The following NRG3 variants were observed in gnomAD, a reference collection of about 807,000 sequenced individuals.
NRG3 encodes neuregulin 3, also known as pro-neuregulin-3, membrane-bound isoform.
In NRG3, 31 loss-of-function variants were observed where a neutral mutation model predicts 66.9. The ratio of observed to expected loss-of-function variants is 0.46; its 90% CI spans 0.35 to 0.63. NRG3 has a LOEUF of 0.63. Among genes scored for constraint, NRG3 ranks in the 20% least tolerant of loss-of-function variants. The pLI, the probability that NRG3 is intolerant of heterozygous loss-of-function variation, is 0.00. For missense variants in NRG3, 910 were observed against 878.9 expected (o/e 1.04, Z -0.45); for synonymous variants, 393 against 359.4 (o/e 1.09, Z -1.06).
At chr10:82,743,765 G>T (rs771969189) in intron 3 of NRG3, among the ~76,000 whole-genome samples, 1 of 152,144 alleles carries the variant, frequency 6.6e-6, no homozygotes, top group African/African-American at 2.4e-5. Context: ...CCAGGAGCCT[G>T]GGTAGGCATT....
intron 1 of NRG3, among the ~76,000 whole-genome samples, chr10:82,233,841 A>G (rs2076623465): frequency 6.6e-6 from 1 of 152,038 alleles, no homozygotes; most frequent in African/African-American, 2.4e-5. Context: ...CCTTTTAACC[A>G]TCTACTCATC....
chr10:82,631,573 A>C (rs538107834), intron 2 of NRG3, among the ~76,000 whole-genome samples: 56 of 146,396 alleles, frequency 3.8e-4, no homozygotes, highest in Admixed American at 6.1e-4. Flanking sequence ...GCATCCCCAG[A>C]TGCCTTCAGC....
At chr10:82,721,320 A>G (rs1198615820) in intron 2 of NRG3, among the ~76,000 whole-genome samples, 1 of 147,750 alleles carries the variant, frequency 6.8e-6, no homozygotes, top group Non-Finnish European at 1.5e-5. Context: ...TTTTTTTTTT[A>G]GTAGAGGCGG....
intron 2 of NRG3, among the ~76,000 whole-genome samples, chr10:82,617,911 T>G (rs774498396): frequency 2.6e-5 from 4 of 152,152 alleles, no homozygotes; most frequent in Non-Finnish European, 5.9e-5. Context: ...TATAAAAAAG[T>G]CATGTAAAAT....
At chr10:82,153,285 A>G (rs2070917959) in intron 1 of NRG3, among the ~76,000 whole-genome samples, 1 of 152,110 alleles carries the variant, frequency 6.6e-6, no homozygotes, top group Admixed American at 6.6e-5. Flanking sequence ...TTCTACATGT[A>G]AGTGAAATCA....
At chr10:82,408,119 G>GA (rs1438562547) in intron 2 of NRG3, among the ~76,000 whole-genome samples, 8 of 141,126 alleles carry the variant, frequency 5.7e-5, no homozygotes, top group African/African-American at 2.2e-4. Flanking sequence ...AAGAAAGAAA[G>GA]AAAGAAAGAA....
At chr10:82,183,433 C>T (rs2073570279) in intron 1 of NRG3, among the ~76,000 whole-genome samples, 2 of 151,894 alleles carry the variant, frequency 1.3e-5, no homozygotes, top group Admixed American at 1.3e-4. Flanking sequence ...AGCTGTTGAA[C>T]CATTCTAGTG....
intron 1 of NRG3, among the ~76,000 whole-genome samples, chr10:82,166,010 T>G (rs2072024912): frequency 6.6e-6 from 1 of 151,802 alleles, no homozygotes; most frequent in Admixed American, 6.6e-5. Context: ...ATTTTTTATT[T>G]TTATTTTTAA....
chr10:81,877,933 C>T, intron 1 of NRG3: 2 of 1,537,198 alleles, frequency 1.3e-6, no homozygotes, highest in Non-Finnish European at 8.7e-7. Flanking sequence ...GATTTTTGAT[C>T]TGCTCTTTTG....
At chr10:82,614,702 T>A (rs1305703374) in intron 2 of NRG3, among the ~76,000 whole-genome samples, 1 of 152,158 alleles carries the variant, frequency 6.6e-6, no homozygotes, top group Non-Finnish European at 1.5e-5. Context: ...AGTCTTAACA[T>A]TATTCTACTC....
chr10:82,974,222 G>A (rs1333773987), intron 7 of NRG3, among the ~76,000 whole-genome samples: 3 of 152,010 alleles, frequency 2.0e-5, no homozygotes, highest in African/African-American at 7.3e-5. Flanking sequence ...TATCTAGCCT[G>A]CCTTTTCTAG....
intron 2 of NRG3, among the ~76,000 whole-genome samples, chr10:82,551,505 A>G (rs2044301336): frequency 6.6e-6 from 1 of 151,978 alleles, no homozygotes; most frequent in South Asian, 2.1e-4. Flanking sequence ...TTGGAAGCAA[A>G]TTCCTTTTTG....
chr10:82,656,832 T>C lies in NRG3; in HGVS notation c.954-81745T>C, dbSNP rs1242927988. 2.0e-5 allele frequency among the ~76,000 whole-genome samples: 3 copies of C among 152,060 alleles called. No individual in the cohort carries two copies. The East Asian group carries it at 5.8e-4, about 29-fold the overall frequency. Reference sequence around the variant, plus strand: ...CTATTTTATAACAACCCCCTCAAAATTGGAAAATAAAAGATCTCTTTAAAA... The same window carrying C: ...CTATTTTATAACAACCCCCTCAAAACTGGAAAATAAAAGATCTCTTTAAAA... On this transcript the variant is annotated intron_variant, in intron 2 of 8. Coordinates refer to ENST00000372141, the MANE Select transcript of NRG3 (RefSeq NM_001010848.4).
At chr10:82,053,924 G>A (rs554293769) in intron 1 of NRG3, among the ~76,000 whole-genome samples, 16 of 152,298 alleles carry the variant, frequency 1.1e-4, no homozygotes, top group Middle Eastern at 6.8e-3. Context: ...AAGCTGCAGC[G>A]CAGCAAATGG....
chr10:82,184,892 C>T (rs752575054), intron 1 of NRG3, among the ~76,000 whole-genome samples: 36 of 152,054 alleles, frequency 2.4e-4, no homozygotes, highest in Admixed American at 2.6e-4. Flanking sequence ...CCCTGTGAGC[C>T]GGTAAACATT....
intron 2 of NRG3, among the ~76,000 whole-genome samples, chr10:82,605,007 C>T (rs867097903): frequency 6.6e-5 from 10 of 152,012 alleles, no homozygotes; most frequent in Non-Finnish European, 8.8e-5. Context: ...GGTTTTTCTC[C>T]TCAATGTGTT....
intron 4 of NRG3, among the ~76,000 whole-genome samples, chr10:82,892,965 T>C (rs1843301367): frequency 6.6e-6 from 1 of 152,074 alleles, no homozygotes; most frequent in South Asian, 2.1e-4. Flanking sequence ...TGTATATTCC[T>C]GTAACTATGA....
At chr10:82,182,375 A>G (rs1331183063) in intron 1 of NRG3, among the ~76,000 whole-genome samples, 2 of 151,656 alleles carry the variant, frequency 1.3e-5, no homozygotes, top group Non-Finnish European at 1.5e-5. Flanking sequence ...TTATAGTGAC[A>G]TGCATTGTTT....
intron 2 of NRG3, among the ~76,000 whole-genome samples, chr10:82,396,690 A>G (rs1456926642): frequency 1.3e-5 from 2 of 152,176 alleles, no homozygotes; most frequent in African/African-American, 4.8e-5. Context: ...ATTACTTGCA[A>G]TTAAGGTAAT....
Sources: gnomAD v4.1 joint callset for allele counts (sites outside exome capture counted in the v4.1 genomes callset) on GRCh38, gnomAD v4.1.1 for gene constraint, MANE v1.5 for transcripts, NCBI Gene and HGNC (gene_info 2026-07-23, HGNC 2026-07-21) for gene names.